Variants in DPP6 observed in about 807,000 individuals in gnomAD.
DPP6 encodes the protein A-type potassium channel modulatory protein DPP6.
A neutral mutation model predicts 122.6 loss-of-function variants in DPP6; 69 were observed. The ratio of observed to expected loss-of-function variants is 0.56; its 90% confidence interval spans 0.46 to 0.69. DPP6 has a LOEUF of 0.69. DPP6 is among the 30% of genes least tolerant of loss of function. DPP6 has a pLI of 0.00. For missense variants in DPP6, 928 were observed against 1,116.9 expected (o/e 0.83, Z 2.41); for synonymous variants, 418 against 433.1 (o/e 0.97, Z 0.43).
chr7:153,854,480 T>A, the DPP6 span, among the ~76,000 whole-genome samples: 18 of 148,654 alleles, frequency 1.2e-4, no homozygotes, highest in African/African-American at 4.2e-4. Flanking sequence ...AAAAGACACA[T>A]GAAAAAATGC....
At chr7:154,496,041 T>A (rs1387422974) in intron 3 of DPP6, among the ~76,000 whole-genome samples, 1 of 152,242 alleles carries the variant, frequency 6.6e-6, no homozygotes, top group African/African-American at 2.4e-5. Flanking sequence ...TACCTATTCG[T>A]AATAGACAAT....
chr7:154,717,717 G>A (rs1038475644), intron 7 of DPP6, among the ~76,000 whole-genome samples: 6 of 152,146 alleles, frequency 3.9e-5, no homozygotes, highest in East Asian at 3.8e-4. Flanking sequence ...GGAAGTGCAC[G>A]TATCTCAGCT....
At chr7:153,829,102 A>G in the DPP6 span, among the ~76,000 whole-genome samples, 30,422 of 152,162 alleles carry the variant, frequency 0.2, 3,209 homozygotes, top group South Asian at 0.26. Context: ...GCCAGTGTAG[A>G]AACAATATTT....
At chr7:153,869,527 A>G in the DPP6 span, among the ~76,000 whole-genome samples, 4 of 151,980 alleles carry the variant, frequency 2.6e-5, no homozygotes, top group Non-Finnish European at 5.9e-5. Context: ...CCATCCCTTT[A>G]TTTGGAGCCT....
chr7:154,349,597 C>G (rs1209848307), intron 1 of DPP6, among the ~76,000 whole-genome samples: 1 of 152,162 alleles, frequency 6.6e-6, no homozygotes, highest in African/African-American at 2.4e-5. Context: ...ATCAGTGCCA[C>G]AGTAAAAATG....
Position 154,672,823 on chromosome 7 carries a change from C to T in DPP6, c.762+3382C>T, listed in dbSNP as rs530526251. Among the ~76,000 whole-genome samples the T allele has an allele frequency of 1.8e-4, 27 of 152,320 alleles. No homozygotes were observed. The South Asian group carries it at 5.2e-3, about 29-fold the overall frequency. On this transcript the variant is annotated intron_variant, in intron 7 of 25. Coordinates refer to ENST00000377770, the MANE Select transcript of DPP6 (RefSeq NM_130797.4). ...AAGGTCAGATAGCACATGTTTCAGT[C>T]TTTGCAAACAGATAGTTTCTAGCAC...
At chr7:154,577,238 AC>A (rs1182140731) in intron 5 of DPP6, among the ~76,000 whole-genome samples, 2 of 150,984 alleles carry the variant, frequency 1.3e-5, no homozygotes, top group South Asian at 2.1e-4. Context: ...GTGGGGAAGG[AC>A]CCCCCTGTCC....
In DPP6 at chr7:154,212,187, C is replaced by T. The variant is rs192287606; in HGVS notation, c.243+159124C>T. Among the ~76,000 whole-genome samples the T allele has an allele frequency of 1.2e-4, 19 of 152,234 alleles. No individual in the cohort carries two copies. The East Asian group carries it at 2.9e-3, about 23-fold the overall frequency. Reference sequence around the variant, plus strand: ...TGGAGACAACTTCAACTTCAGAAAACGTTAGTGAGTCTTATCATATTCCTA... The same window carrying T: ...TGGAGACAACTTCAACTTCAGAAAATGTTAGTGAGTCTTATCATATTCCTA... On this transcript the variant is annotated intron_variant, in intron 1 of 25. Coordinates refer to ENST00000377770, the MANE Select transcript of DPP6 (RefSeq NM_130797.4).
intron 5 of DPP6, among the ~76,000 whole-genome samples, chr7:154,571,038 C>G (rs1468523487): frequency 1.3e-5 from 2 of 152,182 alleles, no homozygotes; most frequent in African/African-American, 4.8e-5. Context: ...AAAGAGACAA[C>G]ATGTGCTAAA....
intron 4 of DPP6, among the ~76,000 whole-genome samples, chr7:154,552,078 A>T (rs1237246455): frequency 2.0e-5 from 3 of 152,166 alleles, no homozygotes; most frequent in Non-Finnish European, 2.9e-5. Context: ...GCTGCTTATG[A>T]CCATGCCAAG....
chr7:154,007,461 A>T (rs1489604702), intron 1 of DPP6, among the ~76,000 whole-genome samples: 3 of 151,688 alleles, frequency 2.0e-5, no homozygotes, highest in African/African-American at 4.9e-5. Context: ...CCTACATTTT[A>T]AAAAAAATTC....
chr7:154,596,551 T>A (rs187013529), intron 5 of DPP6, among the ~76,000 whole-genome samples: 22 of 152,218 alleles, frequency 1.4e-4, no homozygotes, highest in Admixed American at 1.4e-3. Context: ...TGGGATTTTG[T>A]GGCAGAAACT....
intron 8 of DPP6, among the ~76,000 whole-genome samples, chr7:154,737,224 A>G (rs1233260349): frequency 6.6e-6 from 1 of 152,190 alleles, no homozygotes; most frequent in Non-Finnish European, 1.5e-5. Flanking sequence ...CTATGAAGAA[A>G]GCTCTAGGAT....
chr7:154,215,500 A>G (rs889916930), intron 1 of DPP6, among the ~76,000 whole-genome samples: 6 of 152,158 alleles, frequency 3.9e-5, no homozygotes, highest in African/African-American at 1.4e-4. Flanking sequence ...AACAAAGAAT[A>G]CTAATACCAG....
intron 1 of DPP6, among the ~76,000 whole-genome samples, chr7:154,086,289 A>C (rs1295489013): frequency 6.8e-6 from 1 of 147,814 alleles, no homozygotes; most frequent in Non-Finnish European, 1.5e-5. Context: ...GAGCCATAGC[A>C]CTGTAACTAA....
At position 154,664,096 on chromosome 7, in the gene DPP6, C is replaced by G. The variant is rs10085547; in HGVS notation, c.681-5264C>G. Among the ~76,000 whole-genome samples, 85 of 45,806 alleles carry G rather than the reference C, an allele frequency of 1.9e-3. 3 individuals carry two copies. The highest frequency in any genetic ancestry group is 5.0e-3 in the Admixed American group (14 of 2,828). The allele number at this position is 45,806 out of a possible 152,430, so 30.1% of individuals were successfully genotyped here. On this transcript the variant is annotated intron_variant, in intron 6 of 25. Coordinates refer to ENST00000377770, the MANE Select transcript of DPP6 (RefSeq NM_130797.4). ...ATGGTGAATCACCATGGCGTATCGG[C>G]CGTAGTGTTCATATAGTCATGGTGA...
upstream of DPP6, among the ~76,000 whole-genome samples, chr7:153,886,486 G>C (rs1409324434): frequency 1.3e-5 from 2 of 152,188 alleles, no homozygotes; most frequent in Non-Finnish European, 2.9e-5. Flanking sequence ...TTCGGGGTCA[G>C]ATCCCGCAGG....
At position 154,769,403 on chromosome 7, in the gene DPP6, C is replaced by T; in HGVS notation, c.884-14C>T. The T allele has an allele frequency of 6.2e-7, 1 of 1,613,378 alleles. No individual in the cohort carries two copies. The highest frequency in any genetic ancestry group is 8.5e-7 in the Non-Finnish European group (1 of 1,179,778). On this transcript the variant is annotated splice_polypyrimidine_tract_variant and intron_variant, in intron 8 of 25. Coordinates refer to ENST00000377770, the MANE Select transcript of DPP6 (RefSeq NM_130797.4). ...TTGTTACTATTCACATTTCTCTACT[C>T]TGTTTTCCCTTAGAGGAGATTTTGA...
chr7:154,575,477 G>C lies in DPP6; in HGVS notation c.627+8561G>C, dbSNP rs1354233640. Among the ~76,000 whole-genome samples, 40 of 98,992 alleles carry C rather than the reference G, an allele frequency of 4.0e-4. No individual in the cohort carries two copies. In the East Asian group the frequency reaches 8.4e-3, roughly 21 times the overall value. 64.9% of individuals were successfully genotyped at this position (98,992 alleles called of 152,430 possible). On this transcript the variant is annotated intron_variant, in intron 5 of 25. Coordinates refer to ENST00000377770, the MANE Select transcript of DPP6 (RefSeq NM_130797.4). ...GTGTGTGNGCGGGTGTATGTGTGTG[G>C]TGTGTGTGTGGTGTGTGTTTGTGTG...
Sources: allele counts gnomAD v4.1 joint callset (sites outside exome capture counted in the v4.1 genomes callset), GRCh38; gene constraint gnomAD v4.1.1; transcripts MANE v1.5; gene names NCBI Gene and HGNC (gene_info 2026-07-23, HGNC 2026-07-21).